Variants in GSDMC observed in about 807,000 individuals in gnomAD.
The protein encoded by GSDMC is gasdermin C, also known as gasdermin-C.
A neutral mutation model predicts 58.0 loss-of-function variants in GSDMC; 59 were observed. The observed-to-expected ratio is 1.02, with a 90% CI of 0.82 to 1.26. GSDMC has a LOEUF of 1.26. Among genes scored for constraint, GSDMC ranks in the 50% most tolerant of loss-of-function variants. The probability of loss-of-function intolerance (pLI) is 0.00; values close to 1 mark genes in which losing one functional copy is unlikely to be tolerated. For synonymous variants in GSDMC, 241 were observed against 220.2 expected (o/e 1.09, Z -0.83); for missense variants, 659 against 598.5 (o/e 1.10, Z -1.06).
chr8:129,768,351 C>T (rs986955457), intron 3 of GSDMC, among the ~76,000 whole-genome samples: 2 of 152,006 alleles, frequency 1.3e-5, no homozygotes, highest in Admixed American at 6.5e-5. Flanking sequence ...AATGTTATAC[C>T]AACAAAGGAA....
At chr8:129,785,388 G>A (rs1249619640) in intron 1 of GSDMC, among the ~76,000 whole-genome samples, 1 of 151,002 alleles carries the variant, frequency 6.6e-6, no homozygotes, top group Non-Finnish European at 1.5e-5. Flanking sequence ...CCAGAGGCTG[G>A]GAAAGATATT....
At chr8:129,763,502 T>C (rs773887911) in intron 4 of GSDMC, among the ~76,000 whole-genome samples, 16 of 152,200 alleles carry the variant, frequency 1.1e-4, no homozygotes, top group Non-Finnish European at 1.5e-4. Flanking sequence ...TTTTCCACAT[T>C]GCATTATGTC....
Position 129,748,422 on chromosome 8 carries a change from T to C in GSDMC, c.*79A>G. On this transcript the variant is annotated 3_prime_UTR_variant, in exon 14 of 14. Transcript: ENST00000276708. The stretch of plus-strand genomic sequence containing the variant: ...AAACGCAGAGAGGCACAGCCCTATC[T>C]CTTGCACCCATAAGGACACTCACAG... The C allele has an allele frequency of 7.0e-7, 1 of 1,424,018 alleles. No homozygotes were observed. The highest frequency in any genetic ancestry group is 9.5e-7 in the Non-Finnish European group (1 of 1,056,414). 88.2% of individuals were successfully genotyped at this position (1,424,018 alleles called of 1,614,324 possible).
rs1165600465 is a variant in GSDMC at position 129,750,030 on chromosome 8, G to A, written c.1173C>T (p.Asn391=). ...GGAGATAAAGAATGGGGTCCTTTGGGTTAAACCATGCATGGTTTGAATCCT... is the reference window on the plus strand; with the variant it reads ...GGAGATAAAGAATGGGGTCCTTTGGATTAAACCATGCATGGTTTGAATCCT... ...LQQDSNHAWF[N]PKDPILYLLE... Residue 391 remains asparagine, a synonymous_variant, in exon 12 of 14, where the codon AAC becomes AAT. Transcript: ENST00000276708. The A allele has an allele frequency of 8.1e-6, 13 of 1,609,592 alleles. No homozygotes were observed. Among genetic ancestry groups the A allele is most frequent in the Non-Finnish European group, 1.1e-5 (13 of 1,177,944 alleles).
chr8:129,713,419 C>T, the GSDMC span, among the ~76,000 whole-genome samples: 60,510 of 151,990 alleles, frequency 0.4, 17,025 homozygotes, highest in African/African-American at 0.77. Flanking sequence ...AAGGGAGGAA[C>T]GCCCTGTCTC....
chr8:129,742,752 C>T, the GSDMC span, among the ~76,000 whole-genome samples: 1 of 152,206 alleles, frequency 6.6e-6, no homozygotes, highest in African/African-American at 2.4e-5. Context: ...TCCTTTTTAA[C>T]TGCTGTCCAA....
intron 5 of GSDMC, among the ~76,000 whole-genome samples, chr8:129,761,787 G>A (rs2033672487): frequency 6.6e-6 from 1 of 152,120 alleles, no homozygotes; most frequent in Non-Finnish European, 1.5e-5. Flanking sequence ...CTTTCCAGAA[G>A]CCAGAGTCCT....
the GSDMC span, among the ~76,000 whole-genome samples, chr8:129,736,541 A>T: frequency 6.6e-6 from 1 of 152,316 alleles, no homozygotes; most frequent in African/African-American, 2.4e-5. Flanking sequence ...CAAACAACAC[A>T]TGATTATCTC....
At chr8:129,751,942 C>T in intron 8 of GSDMC, 51 bp from the exon 9 acceptor site, 1 of 1,558,854 alleles carries the variant, frequency 6.4e-7, no homozygotes, top group Non-Finnish European at 8.8e-7. Context: ...GACTAGATTT[C>T]TCCAACCTTC....
the GSDMC span, among the ~76,000 whole-genome samples, chr8:129,725,671 T>C: frequency 6.6e-6 from 1 of 152,224 alleles, no homozygotes; most frequent in Non-Finnish European, 1.5e-5. Flanking sequence ...GTTAGTTCCA[T>C]TGATTCAAGA....
the GSDMC span, among the ~76,000 whole-genome samples, chr8:129,725,276 A>T: frequency 5.3e-5 from 8 of 152,212 alleles, no homozygotes; most frequent in Admixed American, 3.3e-4. Flanking sequence ...GCTGGTATAG[A>T]TTAAAGGCAA....
the GSDMC span, among the ~76,000 whole-genome samples, chr8:129,713,012 G>A: frequency 1.1e-4 from 16 of 152,196 alleles, no homozygotes; most frequent in African/African-American, 2.4e-4. Flanking sequence ...TCTGGTAAAC[G>A]GTTGGATCAG....
At chr8:129,776,550 G>T (rs961333949) in intron 2 of GSDMC, among the ~76,000 whole-genome samples, 3 of 152,168 alleles carry the variant, frequency 2.0e-5, no homozygotes, top group African/African-American at 4.8e-5. Flanking sequence ...CAAATGTACA[G>T]TGTCCAGAAG....
chr8:129,762,348 A>C lies in GSDMC; in HGVS notation c.676+278T>G, dbSNP rs554921511. On this transcript the variant is annotated intron_variant, in intron 5 of 13. Coordinates refer to ENST00000276708, the MANE Select transcript of GSDMC (RefSeq NM_031415.3). The stretch of plus-strand genomic sequence containing the variant: ...AGGATTAGGGTTGGAATTTGCCCAG[A>C]GCTAACAACACTCCAAGATGAACAA... Among the ~76,000 whole-genome samples the C allele has an allele frequency of 2.0e-5, 3 of 152,264 alleles. No homozygotes were observed. The East Asian group carries it at 5.8e-4, about 29-fold the overall frequency.
At chr8:129,715,953 G>T in the GSDMC span, among the ~76,000 whole-genome samples, 1 of 152,208 alleles carries the variant, frequency 6.6e-6, no homozygotes, top group Non-Finnish European at 1.5e-5. Flanking sequence ...TTTTTATACT[G>T]TACATGAAGT....
In GSDMC at chr8:129,748,594, A is replaced by T. The variant is rs1391375173; in HGVS notation, c.1434T>A (p.Asp478Glu). Residue 478 changes from aspartate (D) to glutamate (E), a missense_variant, in exon 14 of 14, where the codon GAT becomes GAA. By Grantham distance (45) the Asp-to-Glu change is conservative. Transcript: ENST00000276708. ...LEECGLRMEL[D>E]NPRSTWDVEA... ...CTACATCCCAGGTTGACCTGGGGTT[A>T]TCCAGCTCCATCCTAAGGCCACACT... is the stretch of plus-strand genomic sequence containing the variant. 3.1e-6 allele frequency: 5 copies of T among 1,613,686 alleles called. No homozygotes were observed. The African/African-American group carries it at 6.7e-5, about 22-fold the overall frequency.
chr8:129,759,916 CA>C (rs1271434891), intron 6 of GSDMC, among the ~76,000 whole-genome samples: 1 of 152,010 alleles, frequency 6.6e-6, no homozygotes, highest in Non-Finnish European at 1.5e-5. Flanking sequence ...TAAGAACAAA[CA>C]TTGCAACACT....
chr8:129,719,188 C>CA, the GSDMC span, among the ~76,000 whole-genome samples: 6 of 151,546 alleles, frequency 4.0e-5, no homozygotes, highest in South Asian at 2.1e-4. Flanking sequence ...AAAATAATAA[C>CA]AAAAAAAATC....
chr8:129,745,469 G>A (rs2032939811), downstream of GSDMC, among the ~76,000 whole-genome samples: 1 of 152,164 alleles, frequency 6.6e-6, no homozygotes, highest in Non-Finnish European at 1.5e-5. Context: ...CATCTATAGT[G>A]TCTGTGCTCA....
Sources: gnomAD v4.1 joint callset for allele counts (sites outside exome capture counted in the v4.1 genomes callset) on GRCh38, gnomAD v4.1.1 for gene constraint, MANE v1.5 for transcripts, NCBI Gene and HGNC (gene_info 2026-07-23, HGNC 2026-07-21) for gene names.